Variants in APOB observed in about 807,000 individuals in gnomAD.
APOB encodes the protein apolipoprotein B, also known as apolipoprotein B-100.
A neutral mutation model predicts 314.1 loss-of-function variants in APOB; 153 were observed. That is an observed-to-expected ratio of 0.49 (90% confidence interval 0.43 to 0.56). APOB has a LOEUF of 0.56. Ranked by LOEUF, APOB falls within the 20% of genes least tolerant of loss-of-function variation. APOB has a pLI of 0.00. For missense variants in APOB, 5,430 were observed against 5,350.7 expected, an observed-to-expected ratio of 1.01 and a Z score of -0.46; for synonymous variants, 2,087 against 2,036.4, an observed-to-expected ratio of 1.02 and a Z score of -0.67.
At chr2:21,034,670 TGCTTTCTCACTAGAGGTA>T in intron 8 of APOB, 128 bp downstream of exon 8, 1 of 717,932 alleles carries the variant, frequency 1.4e-6, no homozygotes, top group Non-Finnish European at 2.6e-6. Context: ...GAAATGAGTT[TGCTTTCTCACTAGAGGTA>T]GCCAGAACAC....
At position 21,032,472 on chromosome 2, in the gene APOB, T is replaced by C. The variant is rs761917195; in HGVS notation, c.1234A>G (p.Thr412Ala). The C allele has an allele frequency of 6.2e-7, 1 of 1,614,126 alleles. No individual in the cohort carries two copies. The highest frequency in any genetic ancestry group is 1.1e-5 in the South Asian group (1 of 91,082). ...TCGGGGATCAGGGCCACCAGGTAGGTGACCACATCTATCAGAAGGGGGTTG... is the reference window on the plus strand; with the variant it reads ...TCGGGGATCAGGGCCACCAGGTAGGCGACCACATCTATCAGAAGGGGGTTG... Reference protein sequence around the residue: ...HANPLLIDVVTYLVALIPEPS... With the variant: ...HANPLLIDVVAYLVALIPEPS... The change falls in exon 10 of 29, where the codon ACC (threonine) becomes GCC (alanine). Residue 412 changes from threonine (T) to alanine (A), a missense_variant. By Grantham distance (58) the Thr-to-Ala change is moderately conservative. Transcript: ENST00000233242.
Position 21,006,774 on chromosome 2 carries a change from T to A in APOB, c.10094A>T (p.His3365Leu). ...GACAGATGAAGATGAAGAAAGGAGA[T>A]GAGCAACAATATCTGACTGGTTAAA... ...ELFNQSDIVAHLLSSSSSVID... is the reference protein window; with the variant it reads ...ELFNQSDIVALLLSSSSSVID... Residue 3365 changes from histidine (H) to leucine (L), a missense_variant, in exon 26 of 29, where the codon CAT becomes CTT. Physicochemically the swap from His to Leu is moderately conservative, Grantham distance 99 (BLOSUM62 -3). Coordinates refer to ENST00000233242, the MANE Select transcript of APOB (RefSeq NM_000384.3). 1 of 1,614,104 alleles carries A rather than the reference T, an allele frequency of 6.2e-7. No homozygotes were observed. Among genetic ancestry groups the A allele is most frequent in the Non-Finnish European group, 8.5e-7 (1 of 1,179,946 alleles).
chr2:21,003,108 C>A lies in APOB; in HGVS notation c.12314G>T (p.Arg4105Ile). ...LTLREVSSKLRRNLQNNAEWV... is the reference protein window; with the variant it reads ...LTLREVSSKLIRNLQNNAEWV... Reference sequence around the variant, plus strand: ...CTCAGCATTGTTCTGCAGATTTCTTCTCAGCTTTGAAGACACTTCTCTCAG... The same window carrying A: ...CTCAGCATTGTTCTGCAGATTTCTTATCAGCTTTGAAGACACTTCTCTCAG... The change falls in exon 29 of 29, where the codon AGA becomes ATA. Residue 4105 changes from arginine (R) to isoleucine (I), a missense_variant. Physicochemically the swap from Arg to Ile is moderately conservative, Grantham distance 97. Around this residue, in one of 3 missense-constraint regions of APOB, gnomAD observed 3,281 missense variants for 3,171.0 expected, o/e 1.03. Coordinates refer to ENST00000233242, the MANE Select transcript of APOB (RefSeq NM_000384.3). 3 of 1,598,908 alleles carry A rather than the reference C, an allele frequency of 1.9e-6. No homozygotes were observed. In the East Asian group the frequency reaches 6.7e-5, roughly 36 times the overall value.
At chr2:21,017,696 C>T (rs748603579) in intron 20 of APOB, among the ~76,000 whole-genome samples, 6 of 152,172 alleles carry the variant, frequency 3.9e-5, no homozygotes, top group Non-Finnish European at 2.9e-5. Flanking sequence ...TTGCCCTGGG[C>T]TCCATCTCCC....
chr2:21,030,689 A>G (rs1443542408), intron 10 of APOB, among the ~76,000 whole-genome samples: 1 of 152,236 alleles, frequency 6.6e-6, no homozygotes, highest in Non-Finnish European at 1.5e-5. Flanking sequence ...AAATATTTGC[A>G]AACTATTCAT....
Position 21,010,230 on chromosome 2 carries a change from T to C in APOB, c.6638A>G (p.Asp2213Gly). The change falls in exon 26 of 29, where the codon GAT (aspartate) becomes GGT (glycine). Residue 2213 changes from aspartate (D) to glycine (G), a missense_variant. This residue lies in a region of APOB where 3,281 missense variants were observed against 3,171.0 expected (regional missense o/e 1.03). Coordinates refer to ENST00000233242, the MANE Select transcript of APOB (RefSeq NM_000384.3). ...ATTTACACGGATATGATAGTGCTCATCAAGACTTTTTAATTTTTCAATGAT... is the reference window on the plus strand; with the variant it reads ...ATTTACACGGATATGATAGTGCTCACCAAGACTTTTTAATTTTTCAATGAT... ...DEIIEKLKSL[D>G]EHYHIRVNLV... The C allele has an allele frequency of 6.4e-7, 1 of 1,560,164 alleles. No homozygotes were observed. The highest frequency in any genetic ancestry group is 8.7e-7 in the Non-Finnish European group (1 of 1,153,800).
chr2:21,015,698 C>CAACA lies in APOB; in HGVS notation c.3333-157_3333-154dup, dbSNP rs1454788240. ...GATCAAACTCATCAACTTCTAAAGC[C>CAACA]AACATTCAGCACAAATTAAGGACTT... is the stretch of plus-strand genomic sequence containing the variant. On this transcript the variant is annotated intron_variant, in intron 21 of 28. Coordinates refer to ENST00000233242, the MANE Select transcript of APOB (RefSeq NM_000384.3). Among the ~76,000 whole-genome samples, 3 of 152,192 alleles carry CAACA rather than the reference C, an allele frequency of 2.0e-5. No homozygotes were observed. The East Asian group carries it at 5.8e-4, about 29-fold the overall frequency.
Position 21,015,144 on chromosome 2 carries a change from T to G in APOB, c.3625A>C (p.Asn1209His). 1 of 1,614,214 alleles carries G rather than the reference T, an allele frequency of 6.2e-7. No homozygotes were observed. Among genetic ancestry groups the G allele is most frequent in the African/African-American group, 1.3e-5 (1 of 75,070 alleles). Residue 1209 changes from asparagine (N) to histidine (H), a missense_variant, in exon 23 of 29, where the codon AAT (asparagine) becomes CAT (histidine). This residue lies in a region of APOB where 2,085 missense variants were observed against 2,079.7 expected (regional missense o/e 1.00). Transcript: ENST00000233242. ...GGGACTCTGTGATCCAGGAGTCTAT[T>G]AGCATACATATGCAAGCTCTTAGGA... The part of the protein sequence containing the change: ...DYPKSLHMYA[N>H]RLLDHRVPQT...
intron 20 of APOB, among the ~76,000 whole-genome samples, chr2:21,017,165 T>A (rs1469454179): frequency 6.6e-6 from 1 of 152,096 alleles, no homozygotes; most frequent in African/African-American, 2.4e-5. Flanking sequence ...TAAAATTTTT[T>A]AATGGGTCTC....
Position 21,019,942 on chromosome 2 carries a change from T to A in APOB, c.2817-37A>T, listed in dbSNP as rs772732590. 1.9e-6 allele frequency: 3 copies of A among 1,604,672 alleles called. No individual in the cohort carries two copies. The South Asian group carries it at 3.3e-5, about 18-fold the overall frequency. ...CAAAAATACCTGAGTTATTGCCAAGTCATGAATCAAAATGGACATCACAAA... is the reference window on the plus strand; with the variant it reads ...CAAAAATACCTGAGTTATTGCCAAGACATGAATCAAAATGGACATCACAAA... On this transcript the variant is annotated intron_variant, in intron 18 of 28. Coordinates refer to ENST00000233242, the MANE Select transcript of APOB (RefSeq NM_000384.3).
At position 21,007,228 on chromosome 2, in the gene APOB, T is replaced by C; in HGVS notation, c.9640A>G (p.Asn3214Asp). The change falls in exon 26 of 29, where the codon AAT becomes GAT. Residue 3214 changes from asparagine (N) to aspartate (D), a missense_variant. Coordinates refer to ENST00000233242, the MANE Select transcript of APOB (RefSeq NM_000384.3). ...FDRHFEKNRN[N>D]ALDFVTKSYN... Reference sequence around the variant, plus strand: ...GATTTGGTGACAAAATCTAATGCATTGTTTCTGTTTTTTTCAAAATGCCTG... The same window carrying C: ...GATTTGGTGACAAAATCTAATGCATCGTTTCTGTTTTTTTCAAAATGCCTG... 1 of 1,613,474 alleles carries C rather than the reference T, an allele frequency of 6.2e-7. No individual in the cohort carries two copies. The highest frequency in any genetic ancestry group is 8.5e-7 in the Non-Finnish European group (1 of 1,179,676).
In APOB at chr2:21,009,811, G is replaced by T. The variant is rs758067709; in HGVS notation, c.7057C>A (p.Gln2353Lys). The stretch of plus-strand genomic sequence containing the variant: ...AATTTATCCATTAAAACCTGGATTT[G>T]TTGGTCTACTTCATACCTCTCGATT... ...ELIERYEVDQ[Q>K]IQVLMDKLVE... The change falls in exon 26 of 29, where the codon CAA (glutamine) becomes AAA (lysine). Residue 2353 changes from glutamine (Q) to lysine (K), a missense_variant. This residue lies in a region of APOB where 3,281 missense variants were observed against 3,171.0 expected (regional missense o/e 1.03). Transcript: ENST00000233242. The T allele has an allele frequency of 5.5e-5, 88 of 1,613,876 alleles. No homozygotes were observed. The highest frequency in any genetic ancestry group is 8.3e-5 in the Admixed American group (5 of 59,978).
At position 21,016,555 on chromosome 2, in the gene APOB, G is replaced by A; in HGVS notation, c.3216C>T (p.Asp1072=). The A allele has an allele frequency of 6.2e-7, 1 of 1,607,774 alleles. No homozygotes were observed. ...CATTAACTCTGAGGATTGTTCCGAG[G>A]TCAACATCAAAATCCGGAATTTGGA... ...SEVQIPDFDV[D]LGTILRVNDE... The change falls in exon 21 of 29, where the codon GAC becomes GAT. Residue 1072 remains aspartate (D), a synonymous_variant. Coordinates refer to ENST00000233242, the MANE Select transcript of APOB (RefSeq NM_000384.3).
At chr2:21,013,661 C>A in intron 24 of APOB, 128 bp from the exon 25 acceptor site, 1 of 1,324,500 alleles carries the variant, frequency 7.6e-7, no homozygotes, top group Non-Finnish European at 1.1e-6. Context: ...TTTCTTTGTG[C>A]TACTCCTATG....
rs758120141 is a variant in APOB, at chr2:21,028,345, T to C, written c.1811A>G (p.Glu604Gly). ...ASHIANILNS[E>G]ELDIQDLKKL... ...TACTTACTCTTGGATATCCAATTCT[T>C]CTGAGTTCAAGATATTGGCAATATG... Residue 604 changes from glutamate to glycine, a missense_variant, in exon 13 of 29, where the codon GAA (glutamate) becomes GGA (glycine). This residue lies in a region of APOB where 2,085 missense variants were observed against 2,079.7 expected (regional missense o/e 1.00). Coordinates refer to ENST00000233242, the MANE Select transcript of APOB (RefSeq NM_000384.3). The C allele has an allele frequency of 9.9e-6, 16 of 1,613,722 alleles. No individual in the cohort carries two copies. Among genetic ancestry groups the C allele is most frequent in the Non-Finnish European group, 1.4e-5 (16 of 1,179,718 alleles).
rs370858591 is a variant in APOB at position 21,006,865 on chromosome 2, C to G, written c.10003G>C (p.Gly3335Arg). The change falls in exon 26 of 29, where the codon GGC becomes CGC. Residue 3335 changes from glycine (G) to arginine (R), a missense_variant. Physicochemically the swap from Gly to Arg is moderately radical, Grantham distance 125. This residue lies in a region of APOB where 3,281 missense variants were observed against 3,171.0 expected (regional missense o/e 1.03). Coordinates refer to ENST00000233242, the MANE Select transcript of APOB (RefSeq NM_000384.3). ...TISHIFIPAMGNITYDFSFKS... is the reference protein window; with the variant it reads ...TISHIFIPAMRNITYDFSFKS... ...AAGGAGAAATCATAGGTAATATTGC[C>G]CATGGCAGGAATAAAAATATGGCTT... 23 of 1,613,860 alleles carry G rather than the reference C, an allele frequency of 1.4e-5. No individual in the cohort carries two copies. Among genetic ancestry groups the G allele is most frequent in the Non-Finnish European group, 1.8e-5 (21 of 1,179,952 alleles).
rs1210840183 is a variant in APOB, at chr2:21,007,177, C to A, written c.9691G>T (p.Asp3231Tyr). Residue 3231 changes from aspartate (D) to tyrosine (Y), a missense_variant, in exon 26 of 29, where the codon GAT (aspartate) becomes TAT (tyrosine). Asp to Tyr is a radical substitution (Grantham distance 160). Transcript: ENST00000233242. Reference protein sequence around the residue: ...KSYNETKIKFDKYKAEKSHDE... With the variant: ...KSYNETKIKFYKYKAEKSHDE... ...TGAGATTTTTCAGCTTTGTACTTAT[C>A]AAACTTAATTTTTGTTTCATTATAG... 6.2e-7 allele frequency: 1 copy of A among 1,613,728 alleles called. No homozygotes were observed. Among genetic ancestry groups the A allele is most frequent in the African/African-American group, 1.3e-5 (1 of 74,876 alleles).
Position 21,006,521 on chromosome 2 carries a change from C to T in APOB, c.10347G>A (p.Lys3449=). The change falls in exon 26 of 29, where the codon AAG becomes AAA. Residue 3449 remains lysine (K), a synonymous_variant. Coordinates refer to ENST00000233242, the MANE Select transcript of APOB (RefSeq NM_000384.3). ...TGGAGGAAGAGACAGTAGGTTTTGACTTGGTATTTCCATTAAGTTCTTGCT... is the reference window on the plus strand; with the variant it reads ...TGGAGGAAGAGACAGTAGGTTTTGATTTGGTATTTCCATTAAGTTCTTGCT... ...NFKQELNGNT[K]SKPTVSSSME... 6.2e-7 allele frequency: 1 copy of T among 1,614,114 alleles called. No homozygotes were observed. Among genetic ancestry groups the T allele is most frequent in the Non-Finnish European group, 8.5e-7 (1 of 1,179,976 alleles).
Position 21,038,012 on chromosome 2 carries a change from A to C in APOB, c.483T>G (p.Ile161Met). ...TYILNIKRGI[I>M]SALLVPPETE... ...TCTCTGGGGGAACCAGGAGGGCAGA[A>C]ATGATGCCCCTCTTGATGTTCAGGA... The change falls in exon 5 of 29, where the codon ATT becomes ATG. Residue 161 changes from isoleucine to methionine, a missense_variant. Coordinates refer to ENST00000233242, the MANE Select transcript of APOB (RefSeq NM_000384.3). 6.2e-7 allele frequency: 1 copy of C among 1,614,230 alleles called. No individual in the cohort carries two copies. The highest frequency in any genetic ancestry group is 8.5e-7 in the Non-Finnish European group (1 of 1,180,040).
Sources: allele counts gnomAD v4.1 joint callset (sites outside exome capture counted in the v4.1 genomes callset), GRCh38; gene constraint gnomAD v4.1.1; regional missense constraint gnomAD v4.1.1; transcripts MANE v1.5; gene names NCBI Gene and HGNC (gene_info 2026-07-23, HGNC 2026-07-21).